LRP5: variants seen among roughly 807,000 people sequenced by gnomAD.
The protein encoded by LRP5 is LDL receptor related protein 5.
LRP5 carries 62 observed loss-of-function variants against 154.1 expected under a neutral mutation model. The observed-to-expected ratio is 0.40, with a 90% CI of 0.33 to 0.50. The LOEUF (loss-of-function observed/expected upper bound fraction) is 0.50, where lower values mean the gene tolerates loss of function less well. Ranked by LOEUF, LRP5 falls within the 20% of genes least tolerant of loss-of-function variation. The pLI is 0.55. For synonymous variants in LRP5, 966 were observed against 1,011.5 expected, an observed-to-expected ratio of 0.96 and a Z score of 0.85; for missense variants, 1,915 against 2,336.7, an observed-to-expected ratio of 0.82 and a Z score of 3.72.
At chr11:68,301,238 C>T in the LRP5 span, among the ~76,000 whole-genome samples, 6 of 149,618 alleles carry the variant, frequency 4.0e-5, no homozygotes, top group African/African-American at 1.2e-4. Context: ...AGGGCCACTG[C>T]ACCCAGCCTC....
chr11:68,347,819 G>A (rs2098614418), intron 1 of LRP5, 28 bp from the exon 2 acceptor site: 1 of 1,611,910 alleles, frequency 6.2e-7, no homozygotes. Flanking sequence ...TTAGCCAGTG[G>A]CCCTCACGGT....
chr11:68,444,427 G>T (rs2098680341), intron 21 of LRP5, among the ~76,000 whole-genome samples: 1 of 152,178 alleles, frequency 6.6e-6, no homozygotes, highest in Non-Finnish European at 1.5e-5. Flanking sequence ...TGAGGCTGGA[G>T]AATCACTTGA....
intron 1 of LRP5, among the ~76,000 whole-genome samples, chr11:68,321,313 G>A (rs776653891): frequency 6.6e-6 from 1 of 152,160 alleles, no homozygotes; most frequent in African/African-American, 2.4e-5. Context: ...TTTAAGATCA[G>A]TTATGTAAAT....
chr11:68,438,073 A>G (rs2098675993), intron 19 of LRP5, among the ~76,000 whole-genome samples: 1 of 152,176 alleles, frequency 6.6e-6, no homozygotes, highest in Non-Finnish European at 1.5e-5. Context: ...GGGCGGCACC[A>G]GGGGCTGCCT....
intron 21 of LRP5, chr11:68,445,678 T>C (rs1469378612): frequency 7.6e-7 from 1 of 1,317,864 alleles, no homozygotes; most frequent in African/African-American, 1.5e-5. Context: ...TCAGTGGCAC[T>C]TGTGGAAGGT....
At chr11:68,368,423 G>A (rs552048228) in intron 5 of LRP5, among the ~76,000 whole-genome samples, 1 of 152,376 alleles carries the variant, frequency 6.6e-6, no homozygotes, top group South Asian at 2.1e-4. Context: ...CACGTGCAGC[G>A]GCTTTGAGGC....
intron 2 of LRP5, among the ~76,000 whole-genome samples, chr11:68,352,392 G>A (rs2098619436): frequency 6.6e-6 from 1 of 152,216 alleles, no homozygotes; most frequent in South Asian, 2.1e-4. Context: ...CAGTTTGTGA[G>A]TTCAACAAAT....
In LRP5 at chr11:68,423,777, C is replaced by G; in HGVS notation, c.3236+80C>G. Reference sequence around the variant, plus strand: ...TCTTCTGCCGAATGCCAGCCTCTCACAGGCTGGGGAGACTTTCCACCCTGG... The same window carrying G: ...TCTTCTGCCGAATGCCAGCCTCTCAGAGGCTGGGGAGACTTTCCACCCTGG... On this transcript the variant is annotated intron_variant, in intron 14 of 22. Coordinates refer to ENST00000294304, the MANE Select transcript of LRP5 (RefSeq NM_002335.4). This position sits in a 1 kb window ranked among gnomAD's most constrained non-coding sequence, Gnocchi z 4.7. 4 of 1,394,468 alleles carry G rather than the reference C, an allele frequency of 2.9e-6. No homozygotes were observed. The highest frequency in any genetic ancestry group is 4.0e-6 in the Non-Finnish European group (4 of 1,010,856). 86.4% of individuals were successfully genotyped at this position (1,394,468 alleles called of 1,614,324 possible).
intron 21 of LRP5, among the ~76,000 whole-genome samples, chr11:68,440,914 A>G (rs2098677867): frequency 6.6e-6 from 1 of 151,966 alleles, no homozygotes. Context: ...GATTACAGGC[A>G]TGTGCCACCA....
At chr11:68,390,088 C>G in intron 7 of LRP5, 36 bp downstream of exon 7, 1 of 1,609,412 alleles carries the variant, frequency 6.2e-7, no homozygotes, top group Non-Finnish European at 8.5e-7. Flanking sequence ...TCCAGGAGGC[C>G]AGGCCCAGCC....
At chr11:68,401,752 G>A (rs1257967643) in intron 7 of LRP5, among the ~76,000 whole-genome samples, 1 of 152,116 alleles carries the variant, frequency 6.6e-6, no homozygotes, top group East Asian at 1.9e-4. Flanking sequence ...GCAATGGCAT[G>A]ATCTCGGCTC....
intron 7 of LRP5, among the ~76,000 whole-genome samples, chr11:68,395,850 C>A (rs1353663076): frequency 6.6e-6 from 1 of 152,138 alleles, no homozygotes; most frequent in East Asian, 1.9e-4. Flanking sequence ...TTTCCTCCTG[C>A]AAGTGGCCAC....
intron 5 of LRP5, among the ~76,000 whole-genome samples, chr11:68,382,195 C>T (rs1396649942): frequency 6.6e-6 from 1 of 152,228 alleles, no homozygotes; most frequent in Non-Finnish European, 1.5e-5. Flanking sequence ...ACTGCTTCGC[C>T]ACAGAGGTTT....
At position 68,394,796 on chromosome 11, in the gene LRP5, C is replaced by T. The variant is rs1022971064; in HGVS notation, c.1584+4744C>T. Among the ~76,000 whole-genome samples, 5 of 152,112 alleles carry T rather than the reference C, an allele frequency of 3.3e-5. No homozygotes were observed. In the East Asian group the frequency reaches 7.7e-4, roughly 23 times the overall value. On this transcript the variant is annotated intron_variant, in intron 7 of 22. Coordinates refer to ENST00000294304, the MANE Select transcript of LRP5 (RefSeq NM_002335.4). The stretch of plus-strand genomic sequence containing the variant: ...CCACTTTAAGAATCTGTCTGTACAT[C>T]CTCAAAGCCCTATACACAGTGCTGG...
rs376914943 is a variant in LRP5 at position 68,423,681 on chromosome 11, G to T, written c.3220G>T (p.Val1074Phe). The T allele has an allele frequency of 6.2e-7, 1 of 1,612,344 alleles. No individual in the cohort carries two copies. The highest frequency in any genetic ancestry group is 1.1e-5 in the South Asian group (1 of 91,066). ...GDRDKPRAIV[V>F]NAERGYLYFT... Reference sequence around the variant, plus strand: ...CCGCGACAAGCCCAGGGCCATCGTCGTCAACGCGGAGCGAGGGTAGGAGGC... The same window carrying T: ...CCGCGACAAGCCCAGGGCCATCGTCTTCAACGCGGAGCGAGGGTAGGAGGC... Residue 1074 changes from valine to phenylalanine, a missense_variant, in exon 14 of 23, where the codon GTC (valine) becomes TTC (phenylalanine). Physicochemically the swap from Val to Phe is conservative, Grantham distance 50. Around this residue, in one of 3 missense-constraint regions of LRP5, gnomAD observed 1,094 missense variants for 1,210.1 expected, o/e 0.90. Transcript: ENST00000294304. This position sits in a 1 kb window ranked among gnomAD's most constrained non-coding sequence, Gnocchi z 4.7.
chr11:68,312,207 CG>C (rs1431028133), upstream of LRP5, among the ~76,000 whole-genome samples: 2 of 152,186 alleles, frequency 1.3e-5, no homozygotes, highest in Non-Finnish European at 2.9e-5. Context: ...AACAAGTGTC[CG>C]GGGCCGCCCC....
intron 5 of LRP5, 135 bp downstream of exon 5, chr11:68,365,837 C>T (rs1272032816): frequency 4.4e-6 from 4 of 908,260 alleles, no homozygotes; most frequent in East Asian, 2.7e-5. Context: ...TGTGGTGATT[C>T]AAGTCTGTGG....
intron 1 of LRP5, among the ~76,000 whole-genome samples, chr11:68,326,405 C>T (rs2098599697): frequency 1.3e-5 from 2 of 152,230 alleles, no homozygotes; most frequent in Non-Finnish European, 2.9e-5. Flanking sequence ...CCTTTCTGGC[C>T]CCCTGCATCA....
In LRP5 at chr11:68,426,167, A is replaced by G. The variant is rs772584231; in HGVS notation, c.3617A>G (p.Glu1206Gly). 3.1e-6 allele frequency: 5 copies of G among 1,611,870 alleles called. No homozygotes were observed. In the South Asian group the frequency reaches 4.4e-5, roughly 14 times the overall value. ...AHLTGIHAVE[E>G]VSLEEFSAHP... ...CTCACTGGCATCCATGCAGTGGAGG[A>G]AGTCAGCCTGGAGGAGTTCTGTACG... The change falls in exon 16 of 23, where the codon GAA (glutamate) becomes GGA (glycine). Residue 1206 changes from glutamate (E) to glycine (G), a missense_variant. Physicochemically the swap from Glu to Gly is moderately conservative, Grantham distance 98. Around this residue, in one of 3 missense-constraint regions of LRP5, gnomAD observed 1,094 missense variants for 1,210.1 expected, o/e 0.90. Transcript: ENST00000294304.
Sources: allele counts gnomAD v4.1 joint callset (sites outside exome capture counted in the v4.1 genomes callset), GRCh38; gene constraint gnomAD v4.1.1; regional missense constraint gnomAD v4.1.1; non-coding constraint Gnocchi (gnomAD v3.1); transcripts MANE v1.5; gene names NCBI Gene and HGNC (gene_info 2026-07-23, HGNC 2026-07-21).